Variants in CERS3 observed in about 807,000 individuals in gnomAD.
CERS3 encodes the protein LAG1 homolog, ceramide synthase 3.
Under a neutral mutation model 50.3 loss-of-function variants are expected in CERS3, and 33 were observed. The observed-to-expected ratio is 0.66, with a 90% CI of 0.50 to 0.88. The LOEUF (loss-of-function observed/expected upper bound fraction) is 0.88. Among genes scored for constraint, CERS3 ranks in the 40% least tolerant of loss-of-function variants. The pLI, the probability that CERS3 is intolerant of heterozygous loss-of-function variation, is 0.00. For synonymous variants in CERS3, 176 were observed against 155.2 expected, an observed-to-expected ratio of 1.13 and a Z score of -0.99; for missense variants, 470 against 460.3, an observed-to-expected ratio of 1.02 and a Z score of -0.19.
intron 11 of CERS3, among the ~76,000 whole-genome samples, chr15:100,415,216 C>A (rs2031807270): frequency 6.6e-6 from 1 of 152,162 alleles, no homozygotes; most frequent in Non-Finnish European, 1.5e-5. Flanking sequence ...ATCAAAATCA[C>A]AATGAGATAC....
intron 4 of CERS3, among the ~76,000 whole-genome samples, chr15:100,488,126 C>A (rs1232786613): frequency 1.3e-5 from 2 of 152,158 alleles, no homozygotes; most frequent in South Asian, 2.1e-4. Context: ...CATAAGAGAA[C>A]TGTGCAATAT....
chr15:100,439,843 C>A (rs185070183), intron 11 of CERS3, among the ~76,000 whole-genome samples: 7 of 152,278 alleles, frequency 4.6e-5, no homozygotes, highest in African/African-American at 1.7e-4. Flanking sequence ...TGGGGGCCTC[C>A]ACAACTCCTG....
chr15:100,503,937 G>A (rs2036087470), intron 2 of CERS3: 17 of 359,276 alleles, frequency 4.7e-5, no homozygotes, highest in South Asian at 3.3e-4. Flanking sequence ...GGGAGTGAAG[G>A]TCAAAGACAT....
intron 1 of CERS3, among the ~76,000 whole-genome samples, chr15:100,522,790 ATT>A (rs2036675435): frequency 6.6e-6 from 1 of 152,214 alleles, no homozygotes; most frequent in African/African-American, 2.4e-5. Context: ...ATTCTTGAAC[ATT>A]CTTGAACATG....
intron 11 of CERS3, among the ~76,000 whole-genome samples, chr15:100,403,217 A>G (rs904117200): frequency 6.6e-6 from 1 of 152,248 alleles, no homozygotes; most frequent in African/African-American, 2.4e-5. Flanking sequence ...AAACTAAATG[A>G]AAATGAAAAT....
intron 11 of CERS3, among the ~76,000 whole-genome samples, chr15:100,404,981 A>C (rs1043291461): frequency 1.2e-4 from 18 of 152,342 alleles, no homozygotes; most frequent in African/African-American, 4.3e-4. Flanking sequence ...AATGGATCTA[A>C]ATGTAAAATA....
chr15:100,462,112 A>G (rs1222846597), intron 10 of CERS3, among the ~76,000 whole-genome samples: 2 of 152,214 alleles, frequency 1.3e-5, no homozygotes, highest in Non-Finnish European at 2.9e-5. Context: ...CAGCAACTGA[A>G]TGGAATTTTC....
chr15:100,513,998 G>A (rs548187021), intron 2 of CERS3, among the ~76,000 whole-genome samples: 6 of 152,272 alleles, frequency 3.9e-5, no homozygotes, highest in African/African-American at 1.4e-4. Context: ...CAAATAGTAA[G>A]TGCTCAATAC....
chr15:100,439,597 A>C (rs74718050), intron 11 of CERS3, among the ~76,000 whole-genome samples: 1 of 152,236 alleles, frequency 6.6e-6, no homozygotes, highest in Non-Finnish European at 1.5e-5. Context: ...CTAAACGCTG[A>C]TTAAATAGAG....
chr15:100,520,009 C>G (rs1461684875), intron 2 of CERS3, among the ~76,000 whole-genome samples: 1 of 152,110 alleles, frequency 6.6e-6, no homozygotes, highest in Non-Finnish European at 1.5e-5. Context: ...GACATGTACA[C>G]CCACATCCAT....
intron 9 of CERS3, among the ~76,000 whole-genome samples, chr15:100,470,591 G>C (rs2034936163): frequency 6.6e-6 from 1 of 152,212 alleles, no homozygotes; most frequent in African/African-American, 2.4e-5. Context: ...GATGTGCACA[G>C]GCATGGGAGA....
chr15:100,513,562 A>G (rs912202855), intron 2 of CERS3, among the ~76,000 whole-genome samples: 1 of 142,124 alleles, frequency 7.0e-6, no homozygotes, highest in Non-Finnish European at 1.5e-5. Context: ...TTTTGAGATA[A>G]GATCTTGCTC....
chr15:100,415,629 A>C (rs926313489), intron 11 of CERS3, among the ~76,000 whole-genome samples: 4 of 152,202 alleles, frequency 2.6e-5, no homozygotes, highest in Non-Finnish European at 2.9e-5. Flanking sequence ...GAATGAGACC[A>C]TGTCCTTTGT....
chr15:100,518,200 A>G (rs1431459189), intron 2 of CERS3, among the ~76,000 whole-genome samples: 2 of 152,212 alleles, frequency 1.3e-5, no homozygotes, highest in African/African-American at 4.8e-5. Context: ...CCGATTTTAA[A>G]TAGATAGGGG....
At chr15:100,484,411 A>C in intron 5 of CERS3, 139 bp downstream of exon 5, 1 of 622,438 alleles carries the variant, frequency 1.6e-6, no homozygotes, top group South Asian at 1.9e-5. Flanking sequence ...ATATGTGAGG[A>C]GCCTAAAACA....
At chr15:100,440,067 C>A (rs1301233799) in intron 11 of CERS3, among the ~76,000 whole-genome samples, 1 of 152,208 alleles carries the variant, frequency 6.6e-6, no homozygotes, top group Non-Finnish European at 1.5e-5. Context: ...TGTCTCTCAC[C>A]AGTTAATAAG....
In CERS3 at chr15:100,454,216, C is replaced by G. The variant is rs976523165; in HGVS notation, c.999+1677G>C. Among the ~76,000 whole-genome samples, 7 of 151,984 alleles carry G rather than the reference C, an allele frequency of 4.6e-5. 1 individual carries two copies. The highest frequency in any genetic ancestry group is 1.7e-4 in the African/African-American group (7 of 41,454). On this transcript the variant is annotated intron_variant, in intron 11 of 11. Coordinates refer to ENST00000679737, the MANE Select transcript of CERS3 (RefSeq NM_001378789.1). ...GACCATCCTGGAAAACATAGAGACC[C>G]CATCTCTACGAAAAATTTTAAAAAT...
At chr15:100,444,401 C>T (rs957843259) in intron 11 of CERS3, among the ~76,000 whole-genome samples, 5 of 152,058 alleles carry the variant, frequency 3.3e-5, no homozygotes, top group African/African-American at 1.2e-4. Flanking sequence ...CCCATGACTG[C>T]ATCTCTCTGA....
intron 5 of CERS3, 26 bp from the exon 6 acceptor site, chr15:100,480,072 C>G: frequency 6.4e-7 from 1 of 1,571,464 alleles, no homozygotes; most frequent in Non-Finnish European, 8.7e-7. Flanking sequence ...AAAATCTTTA[C>G]TCCCTTGTAA....
Sources: gnomAD v4.1 joint callset for allele counts (sites outside exome capture counted in the v4.1 genomes callset) on GRCh38, gnomAD v4.1.1 for gene constraint, MANE v1.5 for transcripts, NCBI Gene and HGNC (gene_info 2026-07-23, HGNC 2026-07-21) for gene names.